FBRS: variants seen among roughly 807,000 people sequenced by gnomAD.
The protein encoded by FBRS is probable fibrosin-1.
Under a neutral mutation model 86.1 loss-of-function variants are expected in FBRS, and 15 were observed. The observed-to-expected ratio is 0.17, with a 90% CI of 0.12 to 0.27. FBRS has a LOEUF of 0.27. Among genes scored for constraint, FBRS ranks in the 10% least tolerant of loss-of-function variants. The pLI is 1.00. For missense variants in FBRS, 1,367 were observed against 1,301.6 expected, an observed-to-expected ratio of 1.05 and a Z score of -0.77; for synonymous variants, 666 against 575.8, an observed-to-expected ratio of 1.16 and a Z score of -2.24.
Position 30,664,446 on chromosome 16 carries a change from C to G in FBRS, c.1287C>G (p.Thr429=). ...HHPSLFSPGP[T]LPPPPPLLQV... is the part of the protein sequence containing the mutation. ...CCTCCTTGTTCTCCCCTGGCCCCACCCTGCCCCCACCCCCACCCCTGCTGC... is the reference window on the plus strand; with the variant it reads ...CCTCCTTGTTCTCCCCTGGCCCCACGCTGCCCCCACCCCCACCCCTGCTGC... Residue 429 remains threonine, a synonymous_variant, in exon 7 of 18, where the codon ACC becomes ACG. Transcript: ENST00000356166. 1 of 1,426,334 alleles carries G rather than the reference C, an allele frequency of 7.0e-7. No homozygotes were observed. Among genetic ancestry groups the G allele is most frequent in the Non-Finnish European group, 9.2e-7 (1 of 1,086,112 alleles). 88.4% of individuals were successfully genotyped at this position (1,426,334 alleles called of 1,614,324 possible).
Position 30,659,861 on chromosome 16 carries a change from G to C in FBRS, c.343G>C (p.Glu115Gln). 6.5e-7 allele frequency: 1 copy of C among 1,541,296 alleles called. No individual in the cohort carries two copies. The highest frequency in any genetic ancestry group is 8.7e-7 in the Non-Finnish European group (1 of 1,145,944). The change falls in exon 1 of 18, where the codon GAG (glutamate) becomes CAG (glutamine). Residue 115 changes from glutamate to glutamine, a missense_variant. Around this residue, in one of 3 missense-constraint regions of FBRS, gnomAD observed 702 missense variants for 598.7 expected, o/e 1.17. Coordinates refer to ENST00000356166, the MANE Select transcript of FBRS (RefSeq NM_001105079.3). ...RGEEEEEEEE[E>Q]GGADDGEAEE... The stretch of plus-strand genomic sequence containing the variant: ...GGAGGAAGAGGAGGAGGAGGAGGAG[G>C]AGGGGGGCGCAGACGACGGCGAAGC...
intron 6 of FBRS, 38 bp downstream of exon 6, chr16:30,662,897 C>CTT: frequency 7.1e-7 from 1 of 1,409,414 alleles, no homozygotes; most frequent in Non-Finnish European, 9.3e-7. Flanking sequence ...TCCGGAAGGG[C>CTT]CTGGTCAGTT....
Position 30,658,700 on chromosome 16 carries a change from C to A in FBRS, c.-819C>A, listed in dbSNP as rs1277451016. ...TTGGAGGGCTGGCCTCGCTGCCCCG[C>A]CCCGCCTCGCGCCTTTCATGGCGAC... is the stretch of plus-strand genomic sequence containing the variant. On this transcript the variant is annotated 5_prime_UTR_variant, in exon 1 of 18. Coordinates refer to ENST00000356166, the MANE Select transcript of FBRS (RefSeq NM_001105079.3). 6.6e-6 allele frequency: 1 copy of A among 152,306 alleles called. No individual in the cohort carries two copies. Among genetic ancestry groups the A allele is most frequent in the Non-Finnish European group, 1.5e-5 (1 of 68,090 alleles). 9.4% of individuals were successfully genotyped at this position (152,306 alleles called of 1,614,324 possible).
chr16:30,662,233 G>C (rs2052470667), intron 4 of FBRS, 187 bp from the exon 5 acceptor site: 1 of 844,678 alleles, frequency 1.2e-6, no homozygotes, highest in Non-Finnish European at 1.8e-6. Context: ...GGGGTCAGCT[G>C]CTCCACTCTG....
At position 30,665,100 on chromosome 16, in the gene FBRS, G is replaced by A. The variant is rs1175848685; in HGVS notation, c.1608+21G>A. The A allele has an allele frequency of 3.7e-6, 6 of 1,610,774 alleles. No homozygotes were observed. Among genetic ancestry groups the A allele is most frequent in the East Asian group, 2.2e-5 (1 of 44,890 alleles). ...ATAATGTGAGTGTGTGTGTGCGTGTGCGTATGGGGTGTGTGGTGTGGGCGT... is the reference window on the plus strand; with the variant it reads ...ATAATGTGAGTGTGTGTGTGCGTGTACGTATGGGGTGTGTGGTGTGGGCGT... On this transcript the variant is annotated intron_variant, in intron 9 of 17. Transcript: ENST00000356166. This position sits in a 1 kb window ranked among gnomAD's most constrained non-coding sequence, Gnocchi z 4.1.
At position 30,659,253 on chromosome 16, in the gene FBRS, C is replaced by T. The variant is rs894002366; in HGVS notation, c.-266C>T. ...GGAGCTGGACAACTTGGGGCCTCGCCTTAAAGGGACGGCCGCCCCGTTTTC... is the reference window on the plus strand; with the variant it reads ...GGAGCTGGACAACTTGGGGCCTCGCTTTAAAGGGACGGCCGCCCCGTTTTC... On this transcript the variant is annotated 5_prime_UTR_variant, in exon 1 of 18. Coordinates refer to ENST00000356166, the MANE Select transcript of FBRS (RefSeq NM_001105079.3). The T allele has an allele frequency of 1.2e-5, 2 of 165,940 alleles. No homozygotes were observed. The highest frequency in any genetic ancestry group is 4.8e-5 in the African/African-American group (2 of 41,814). 10.3% of individuals were successfully genotyped at this position (165,940 alleles called of 1,614,324 possible). A position where few individuals can be genotyped will look rare whatever the true frequency, so the allele number is the denominator to read the frequency against.
In FBRS at chr16:30,659,895, A is replaced by C. The variant is rs1451643805; in HGVS notation, c.377A>C (p.Glu126Ala). Reference sequence around the variant, plus strand: ...GCAGACGACGGCGAAGCCGAGGAGGAGCCTGAGGAGGAGGAAGAGGAGGAG... The same window carrying C: ...GCAGACGACGGCGAAGCCGAGGAGGCGCCTGAGGAGGAGGAAGAGGAGGAG... ...GGADDGEAEE[E>A]PEEEEEEEED... Residue 126 changes from glutamate (E) to alanine (A), a missense_variant, in exon 1 of 18, where the codon GAG becomes GCG. Glu to Ala is a moderately radical substitution (Grantham distance 107). Transcript: ENST00000356166. 2 of 1,550,300 alleles carry C rather than the reference A, an allele frequency of 1.3e-6. No individual in the cohort carries two copies. The highest frequency in any genetic ancestry group is 1.7e-6 in the Non-Finnish European group (2 of 1,147,610).
chr16:30,661,606 C>T (rs2052462689), intron 4 of FBRS, among the ~76,000 whole-genome samples: 1 of 152,144 alleles, frequency 6.6e-6, no homozygotes, highest in Non-Finnish European at 1.5e-5. Context: ...ACTTCTGGTT[C>T]TCCACGGAAA....
In FBRS at chr16:30,659,328, C is replaced by T. The variant is rs2052424297; in HGVS notation, c.-191C>T. The T allele has an allele frequency of 1.0e-5, 2 of 191,392 alleles. No individual in the cohort carries two copies. The highest frequency in any genetic ancestry group is 1.1e-5 in the Non-Finnish European group (1 of 94,442). 11.9% of individuals were successfully genotyped at this position (191,392 alleles called of 1,614,324 possible). On this transcript the variant is annotated 5_prime_UTR_variant, in exon 1 of 18. Transcript: ENST00000356166. ...CAGGGGGGGCCCTCGGGCTTGTCGCCCCGGGGGCGGCGCCGGCTCCCCGGG... is the reference window on the plus strand; with the variant it reads ...CAGGGGGGGCCCTCGGGCTTGTCGCTCCGGGGGCGGCGCCGGCTCCCCGGG...
intron 6 of FBRS, chr16:30,663,114 C>T (rs530982971): frequency 1.3e-4 from 67 of 515,968 alleles, no homozygotes; most frequent in African/African-American, 1.1e-3. Context: ...CAAGTCTGCT[C>T]GGAATAGTGT....
In FBRS at chr16:30,664,197, C is replaced by T. The variant is rs1299871273; in HGVS notation, c.1056-18C>T. ...GCACCTCCCAACCCCTCACTCATCT[C>T]CCCACTTCTCTCCCCAGCTCTTCAC... On this transcript the variant is annotated intron_variant, in intron 6 of 17. Transcript: ENST00000356166. The T allele has an allele frequency of 7.4e-7, 1 of 1,359,820 alleles. No homozygotes were observed. Among genetic ancestry groups the T allele is most frequent in the East Asian group, 2.9e-5 (1 of 34,796 alleles). 84.2% of individuals were successfully genotyped at this position (1,359,820 alleles called of 1,614,324 possible). A position where few individuals can be genotyped will look rare whatever the true frequency, so the allele number is the denominator to read the frequency against.
rs2052460343 is a variant in FBRS, at chr16:30,661,419, C to T, written c.705+86C>T. 5.2e-6 allele frequency: 8 copies of T among 1,546,944 alleles called. No homozygotes were observed. In the South Asian group the frequency reaches 9.5e-5, roughly 18 times the overall value. On this transcript the variant is annotated intron_variant, in intron 4 of 17. Transcript: ENST00000356166. ...AAGGTCTTCTGCGTGCAGCAGACAG[C>T]CTTCCCTTGAGTGAGAAACATGGCT... is the stretch of plus-strand genomic sequence containing the variant.
intron 7 of FBRS, 60 bp downstream of exon 7, chr16:30,664,576 G>A (rs980029054): frequency 1.4e-6 from 2 of 1,429,968 alleles, no homozygotes; most frequent in African/African-American, 2.9e-5. Context: ...GGGCCCAGTT[G>A]GCTTTGGGGC....
At chr16:30,663,371 G>A (rs977100592) in intron 6 of FBRS, among the ~76,000 whole-genome samples, 7 of 152,270 alleles carry the variant, frequency 4.6e-5, no homozygotes, top group Middle Eastern at 3.4e-3. Context: ...TACATTCAGC[G>A]TCAGTGATAT....
Position 30,659,853 on chromosome 16 carries a change from A to C in FBRS, c.335A>C (p.Glu112Ala). 1 of 1,536,992 alleles carries C rather than the reference A, an allele frequency of 6.5e-7. No homozygotes were observed. Among genetic ancestry groups the C allele is most frequent in the Non-Finnish European group, 8.7e-7 (1 of 1,144,712 alleles). The change falls in exon 1 of 18, where the codon GAG (glutamate) becomes GCG (alanine). Residue 112 changes from glutamate to alanine, a missense_variant. By Grantham distance (107) the Glu-to-Ala change is moderately radical (BLOSUM62 -1). Transcript: ENST00000356166. ...SGSRGEEEEE[E>A]EEEGGADDGE... ...AGCCGCGGGGAGGAAGAGGAGGAGG[A>C]GGAGGAGGAGGGGGGCGCAGACGAC...
chr16:30,670,250 G>C lies in FBRS; in HGVS notation c.*605G>C. ...AAAGGGGACTGCAGGGGGAAGAGCC[G>C]GGAAGGGACAGTCAGGCTTCTCCCT... is the stretch of plus-strand genomic sequence containing the variant. On this transcript the variant is annotated 3_prime_UTR_variant, in exon 18 of 18. Transcript: ENST00000356166. 4.4e-6 allele frequency: 2 copies of C among 456,304 alleles called. No individual in the cohort carries two copies. The highest frequency in any genetic ancestry group is 3.1e-5 in the South Asian group (2 of 64,462). The allele number at this position is 456,304 out of a possible 1,614,324, so 28.3% of individuals were successfully genotyped here.
Position 30,668,890 on chromosome 16 carries a change from GC to G in FBRS, c.2282del (p.Pro761LeufsTer63). The part of the protein sequence containing the change: ...SPLTFPAWVR[P>X]PEAARTPGSD... The stretch of plus-strand genomic sequence containing the variant: ...CTCTGACCTTTCCTGCCTGGGTCCG[GC>G]CCCCTGAGGCCGCCCGGACTCCAGG... On this transcript the variant is annotated frameshift_variant, in exon 17 of 18. Transcript: ENST00000356166. LOFTEE classifies it high-confidence loss of function. The G allele has an allele frequency of 6.3e-7, 1 of 1,584,622 alleles. No individual in the cohort carries two copies.
chr16:30,668,601 C>T lies in FBRS; in HGVS notation c.2116C>T (p.Leu706Phe), dbSNP rs753075732. 4 of 1,612,472 alleles carry T rather than the reference C, an allele frequency of 2.5e-6. No individual in the cohort carries two copies. Among genetic ancestry groups the T allele is most frequent in the South Asian group, 2.2e-5 (2 of 91,032 alleles). Residue 706 changes from leucine to phenylalanine, a missense_variant, in exon 16 of 18, where the codon CTC (leucine) becomes TTC (phenylalanine). Coordinates refer to ENST00000356166, the MANE Select transcript of FBRS (RefSeq NM_001105079.3). ...RPTSFASLAALSNGAFGGLGS... is the reference protein window; with the variant it reads ...RPTSFASLAAFSNGAFGGLGS... ...CACAAGCTTCGCCTCTTTGGCTGCCCTCTCCAACGGGGCCTTTGGAGGCCT... is the reference window on the plus strand; with the variant it reads ...CACAAGCTTCGCCTCTTTGGCTGCCTTCTCCAACGGGGCCTTTGGAGGCCT...
intron 12 of FBRS, 147 bp downstream of exon 12, chr16:30,666,688 G>C: frequency 7.2e-7 from 1 of 1,382,076 alleles, no homozygotes; most frequent in South Asian, 1.2e-5. Context: ...GGGCTTTCAA[G>C]TTGCAGACCT....
Sources: allele counts gnomAD v4.1 joint callset (sites outside exome capture counted in the v4.1 genomes callset), GRCh38; gene constraint gnomAD v4.1.1; regional missense constraint gnomAD v4.1.1; non-coding constraint Gnocchi (gnomAD v3.1); transcripts MANE v1.5; gene names NCBI Gene and HGNC (gene_info 2026-07-23, HGNC 2026-07-21).